The following TAFA1 variants were observed in gnomAD, a reference collection of about 807,000 sequenced individuals.
The protein encoded by TAFA1 is chemokine-like protein TAFA-1.
TAFA1 carries 4 observed loss-of-function variants against 18.5 expected under a neutral mutation model. That is an observed-to-expected ratio of 0.22 (90% CI 0.11 to 0.49). The LOEUF is 0.49. TAFA1 is among the 20% of genes least tolerant of loss of function. TAFA1 has a pLI of 0.98. For synonymous variants in TAFA1, 56 were observed against 55.2 expected (o/e 1.01, Z -0.06); for missense variants, 147 against 169.0 (o/e 0.87, Z 0.72).
intron 2 of TAFA1, among the ~76,000 whole-genome samples, chr3:68,351,223 G>A (rs1370947948): frequency 6.6e-6 from 1 of 152,112 alleles, no homozygotes; most frequent in East Asian, 1.9e-4. Context: ...GGTAGCCAAA[G>A]TTACTTAATT....
chr3:68,126,406 CA>C (rs2065465478), intron 2 of TAFA1, among the ~76,000 whole-genome samples: 1 of 152,186 alleles, frequency 6.6e-6, no homozygotes, highest in South Asian at 2.1e-4. Flanking sequence ...TAAAGGATGT[CA>C]AAATCTTCCT....
chr3:68,315,529 C>T (rs769842039), intron 2 of TAFA1, among the ~76,000 whole-genome samples: 3 of 152,154 alleles, frequency 2.0e-5, no homozygotes, highest in Non-Finnish European at 2.9e-5. Flanking sequence ...CCTCCTATGC[C>T]ATATGTGCCT....
At chr3:68,254,224 C>G (rs1337484145) in intron 2 of TAFA1, among the ~76,000 whole-genome samples, 1 of 151,484 alleles carries the variant, frequency 6.6e-6, no homozygotes, top group Non-Finnish European at 1.5e-5. Context: ...ATACTTCCTA[C>G]TGGGCATTGG....
At chr3:68,246,100 C>A (rs1317493795) in intron 2 of TAFA1, among the ~76,000 whole-genome samples, 2 of 152,186 alleles carry the variant, frequency 1.3e-5, no homozygotes, top group Middle Eastern at 3.2e-3. Flanking sequence ...ATGCCTGTTT[C>A]CACATCTCCA....
intron 3 of TAFA1, among the ~76,000 whole-genome samples, chr3:68,492,294 T>C (rs183220545): frequency 1.8e-4 from 28 of 152,330 alleles, no homozygotes; most frequent in Admixed American, 3.9e-4. Context: ...GGACCCATTC[T>C]ATTTCAACCA....
Position 68,006,520 on chromosome 3 carries a change from C to T in TAFA1, c.-3-104C>T, listed in dbSNP as rs1365820484. 37 of 760,796 alleles carry T rather than the reference C, an allele frequency of 4.9e-5. No individual in the cohort carries two copies. The East Asian group carries it at 7.1e-4, about 15-fold the overall frequency. The allele number at this position is 760,796 out of a possible 1,614,324, so 47.1% of individuals were successfully genotyped here. A position where few individuals can be genotyped will look rare whatever the true frequency, so the allele number is the denominator to read the frequency against. ...TCATTAGTTCTAGCCAGAGAAGTAG[C>T]AAAGGAACATGACGTCTGAGACCTC... On this transcript the variant is annotated intron_variant, in intron 1 of 4. Transcript: ENST00000478136.
At chr3:68,417,899 G>A (rs573308296) in intron 3 of TAFA1, among the ~76,000 whole-genome samples, 10 of 152,176 alleles carry the variant, frequency 6.6e-5, no homozygotes, top group African/African-American at 2.4e-4. Flanking sequence ...AGAGCCAAGG[G>A]GGAGGTACTA....
At chr3:68,448,003 T>C (rs1347686692) in intron 3 of TAFA1, among the ~76,000 whole-genome samples, 1 of 152,084 alleles carries the variant, frequency 6.6e-6, no homozygotes, top group Non-Finnish European at 1.5e-5. Flanking sequence ...CACCACACAT[T>C]CAGTATTATT....
At chr3:68,181,908 G>A (rs535100591) in intron 2 of TAFA1, among the ~76,000 whole-genome samples, 18 of 152,282 alleles carry the variant, frequency 1.2e-4, no homozygotes, top group Admixed American at 9.2e-4. Flanking sequence ...TAAACTATAT[G>A]ATAAATACAG....
At chr3:68,120,161 C>T (rs1198836726) in intron 2 of TAFA1, among the ~76,000 whole-genome samples, 1 of 141,980 alleles carries the variant, frequency 7.0e-6, no homozygotes, top group African/African-American at 2.8e-5. Context: ...TTCTTTCTTT[C>T]TCTTTCTTTC....
At chr3:68,340,390 A>G (rs546991237) in intron 2 of TAFA1, among the ~76,000 whole-genome samples, 2 of 152,250 alleles carry the variant, frequency 1.3e-5, no homozygotes, top group African/African-American at 4.8e-5. Context: ...AATGTACTTA[A>G]CAGGATCATA....
chr3:68,411,575 A>T (rs2070718692), intron 2 of TAFA1, among the ~76,000 whole-genome samples: 1 of 152,216 alleles, frequency 6.6e-6, no homozygotes, highest in Admixed American at 6.5e-5. Context: ...TACTACCTTT[A>T]GATAGCTGAT....
intron 2 of TAFA1, among the ~76,000 whole-genome samples, chr3:68,296,278 T>C (rs951178357): frequency 2.0e-5 from 3 of 152,176 alleles, no homozygotes; most frequent in African/African-American, 4.8e-5. Context: ...ACATGTGACT[T>C]GTCTGTCCAC....
chr3:68,021,899 AG>A (rs1704699354), intron 2 of TAFA1, among the ~76,000 whole-genome samples: 1 of 152,158 alleles, frequency 6.6e-6, no homozygotes, highest in Admixed American at 6.6e-5. Context: ...TCTACTGAAG[AG>A]GGCAAAAACC....
chr3:68,149,169 G>A (rs2065777552), intron 2 of TAFA1, among the ~76,000 whole-genome samples: 1 of 152,124 alleles, frequency 6.6e-6, no homozygotes. Flanking sequence ...GAAGCTTGGA[G>A]ATATTAATAG....
intron 2 of TAFA1, among the ~76,000 whole-genome samples, chr3:68,218,460 T>C (rs2107085157): frequency 6.6e-6 from 1 of 152,190 alleles, no homozygotes; most frequent in African/African-American, 2.4e-5. Flanking sequence ...GGTATGGGGA[T>C]GAGGAATGAG....
At chr3:68,095,620 T>G (rs547435256) in intron 2 of TAFA1, among the ~76,000 whole-genome samples, 1 of 152,136 alleles carries the variant, frequency 6.6e-6, no homozygotes, top group Admixed American at 6.6e-5. Flanking sequence ...TAAGACATGG[T>G]CCTCACCCTT....
intron 3 of TAFA1, among the ~76,000 whole-genome samples, chr3:68,512,666 G>GT (rs1302344112): frequency 7.0e-6 from 1 of 142,728 alleles, no homozygotes; most frequent in Non-Finnish European, 1.5e-5. Flanking sequence ...GTTCTGGGTG[G>GT]TTTTTTGCTG....
At chr3:68,067,752 T>A (rs748423130) in intron 2 of TAFA1, among the ~76,000 whole-genome samples, 14 of 152,168 alleles carry the variant, frequency 9.2e-5, no homozygotes, top group Admixed American at 3.3e-4. Flanking sequence ...CCATCCTTCC[T>A]TCCTTTCTTC....
Sources: gnomAD v4.1 joint callset for allele counts (sites outside exome capture counted in the v4.1 genomes callset) on GRCh38, gnomAD v4.1.1 for gene constraint, MANE v1.5 for transcripts, NCBI Gene and HGNC (gene_info 2026-07-23, HGNC 2026-07-21) for gene names.